ABCA8: variants seen among roughly 807,000 people sequenced by gnomAD.
ABCA8 encodes ABC-type organic anion transporter ABCA8.
ABCA8 carries 177 observed loss-of-function variants against 192.3 expected under a neutral mutation model. That is an observed-to-expected ratio of 0.92 (90% CI 0.81 to 1.04). The LOEUF is 1.04. ABCA8 is among the 50% of genes least tolerant of loss of function. ABCA8 has a pLI of 0.00. For missense variants in ABCA8, 1,915 were observed against 1,904.8 expected, an observed-to-expected ratio of 1.01 and a Z score of -0.10; for synonymous variants, 642 against 690.2, an observed-to-expected ratio of 0.93 and a Z score of 1.09.
chr17:68,894,972 T>C lies in ABCA8; in HGVS notation c.2806A>G (p.Asn936Asp), dbSNP rs1567837642. ...AATGCATCCACTTCTAAAGCTATGT[T>C]CTGGTGCTCCACAGACTGTATAAAG... ...DDFIQSVEHQNIALEVDAFGT... is the reference protein window; with the variant it reads ...DDFIQSVEHQDIALEVDAFGT... Residue 936 changes from asparagine (N) to aspartate (D), a missense_variant, in exon 22 of 40, where the codon AAC becomes GAC. Transcript: ENST00000586539. The C allele has an allele frequency of 1.2e-6, 2 of 1,613,682 alleles. No individual in the cohort carries two copies. Among genetic ancestry groups the C allele is most frequent in the Non-Finnish European group, 1.7e-6 (2 of 1,179,784 alleles).
At chr17:68,900,538 C>CAA (rs35696026) in intron 21 of ABCA8, among the ~76,000 whole-genome samples, 43 of 108,810 alleles carry the variant, frequency 4.0e-4, no homozygotes, top group Non-Finnish European at 5.3e-4. Flanking sequence ...CACAAAGTCT[C>CAA]AAAAAAAAAA....
chr17:68,894,154 T>A lies in ABCA8; in HGVS notation c.3036+19A>T, dbSNP rs767620149. On this transcript the variant is annotated intron_variant, in intron 23 of 39. Transcript: ENST00000586539. ...CCTGATAGAGGAGAGTCAGGAATTG[T>A]AAGATTATATATATTTACCTCCAAA... 2 of 1,611,778 alleles carry A rather than the reference T, an allele frequency of 1.2e-6. No homozygotes were observed. Among genetic ancestry groups the A allele is most frequent in the Non-Finnish European group, 1.7e-6 (2 of 1,178,572 alleles).
intron 5 of ABCA8, among the ~76,000 whole-genome samples, chr17:68,935,337 G>A (rs1249109819): frequency 6.7e-6 from 1 of 149,152 alleles, no homozygotes; most frequent in Non-Finnish European, 1.5e-5. Flanking sequence ...GGCTGATCTC[G>A]AACTCTTGAG....
chr17:68,926,638 T>C (rs1050635171), intron 10 of ABCA8, among the ~76,000 whole-genome samples: 1 of 152,214 alleles, frequency 6.6e-6, no homozygotes, highest in Non-Finnish European at 1.5e-5. Context: ...AATGAAAACA[T>C]ACCATATTCA....
rs189448749 is a variant in ABCA8, at chr17:68,881,382, G to A, written c.3947-171C>T. Among the ~76,000 whole-genome samples the A allele has an allele frequency of 1.1e-4, 16 of 152,338 alleles. No homozygotes were observed. The East Asian group carries it at 1.4e-3, about 13-fold the overall frequency. On this transcript the variant is annotated intron_variant, in intron 31 of 39. Transcript: ENST00000586539. ...CCCTTCTTATGTAGTTGGGGCAGAA[G>A]CTCTCAATGATGGGGTTACCTGTGC... is the stretch of plus-strand genomic sequence containing the variant.
At chr17:68,875,788 GAGAT>G (rs1396742673) in intron 35 of ABCA8, 55 bp from the exon 36 acceptor site, 1 of 1,557,330 alleles carries the variant, frequency 6.4e-7, no homozygotes, top group Non-Finnish European at 8.7e-7. Flanking sequence ...TAATCAGAAA[GAGAT>G]AGAGAAAAGA....
chr17:68,868,399 T>C (rs758767083), intron 38 of ABCA8, 43 bp from the exon 39 acceptor site: 1 of 1,528,036 alleles, frequency 6.5e-7, no homozygotes, highest in Non-Finnish European at 9.1e-7. Context: ...ATTTCATATC[T>C]AGAGGTCTCA....
intron 7 of ABCA8, among the ~76,000 whole-genome samples, chr17:68,930,953 A>C (rs1435013285): frequency 6.6e-6 from 1 of 152,136 alleles, no homozygotes; most frequent in Non-Finnish European, 1.5e-5. Flanking sequence ...AAGTTCTCAC[A>C]CAGAACCTTG....
chr17:68,947,615 C>T (rs138199384), intron 2 of ABCA8, among the ~76,000 whole-genome samples: 100 of 152,200 alleles, frequency 6.6e-4, no homozygotes, highest in African/African-American at 2.0e-3. Flanking sequence ...TTGCTGTTAA[C>T]GAAGGTTCAA....
chr17:68,927,776 G>T, intron 10 of ABCA8, 140 bp downstream of exon 10: 1 of 597,658 alleles, frequency 1.7e-6, no homozygotes. Context: ...AATTTGGCCA[G>T]TAGCGACGAC....
In ABCA8 at chr17:68,902,697, G is replaced by C; in HGVS notation, c.2764+16C>G. Reference sequence around the variant, plus strand: ...AACAGTAAATGTATTTGGAAATCAAGTATCCACCATTTTACCTGTTTTATT... The same window carrying C: ...AACAGTAAATGTATTTGGAAATCAACTATCCACCATTTTACCTGTTTTATT... On this transcript the variant is annotated intron_variant, in intron 21 of 39. Coordinates refer to ENST00000586539, the MANE Select transcript of ABCA8 (RefSeq NM_001288985.2). 1 of 1,602,716 alleles carries C rather than the reference G, an allele frequency of 6.2e-7. No individual in the cohort carries two copies. Among genetic ancestry groups the C allele is most frequent in the African/African-American group, 1.3e-5 (1 of 74,774 alleles).
chr17:68,893,721 C>CTTTTTTT lies in ABCA8; in HGVS notation c.3036+445_3036+451dup, dbSNP rs5821690. On this transcript the variant is annotated intron_variant, in intron 23 of 39. Transcript: ENST00000586539. ...TTTCATTTTTATTGCTTCATATTCT[C>CTTTTTTT]TTTTTTTTTTTTTCCTTTTCTTTTT... Among the ~76,000 whole-genome samples the CTTTTTTT allele has an allele frequency of 3.1e-5, 4 of 127,700 alleles. 1 individual carries two copies. Among genetic ancestry groups the CTTTTTTT allele is most frequent in the Non-Finnish European group, 6.5e-5 (4 of 61,678 alleles). The allele number at this position is 127,700 out of a possible 152,430, so 83.8% of individuals were successfully genotyped here.
intron 5 of ABCA8, among the ~76,000 whole-genome samples, chr17:68,933,511 A>C (rs1300739275): frequency 6.6e-6 from 1 of 152,188 alleles, no homozygotes; most frequent in Non-Finnish European, 1.5e-5. Flanking sequence ...TAACACTCTA[A>C]GCTTTCTCAT....
chr17:68,924,501 T>C (rs760128119), intron 11 of ABCA8, among the ~76,000 whole-genome samples, 200 bp downstream of exon 11: 7 of 152,252 alleles, frequency 4.6e-5, no homozygotes, highest in African/African-American at 7.2e-5. Flanking sequence ...TTTTATTTAG[T>C]GTAAATGTCG....
intron 17 of ABCA8, among the ~76,000 whole-genome samples, chr17:68,910,285 G>A (rs930137978): frequency 5.9e-5 from 9 of 152,226 alleles, no homozygotes; most frequent in African/African-American, 1.9e-4. Flanking sequence ...GGCAGCAGCT[G>A]TGTGGCACAG....
Position 68,881,197 on chromosome 17 carries a change from A to G in ABCA8, c.3961T>C (p.Leu1321=). The stretch of plus-strand genomic sequence containing the variant: ...TTACCAGCTCCATTGTGTCCTAATA[A>G]TCCTAAAACTTCACCTGAAAAAAAG... ...FCVRKGEVLG[L]LGHNGAGKST... is the part of the protein sequence containing the mutation. Residue 1321 remains leucine (L), a synonymous_variant, in exon 32 of 40, where the codon TTA becomes CTA. Coordinates refer to ENST00000586539, the MANE Select transcript of ABCA8 (RefSeq NM_001288985.2). The G allele has an allele frequency of 6.2e-7, 1 of 1,613,168 alleles. No homozygotes were observed. Among genetic ancestry groups the G allele is most frequent in the African/African-American group, 1.3e-5 (1 of 75,008 alleles).
At position 68,927,900 on chromosome 17, in the gene ABCA8, T is replaced by G; in HGVS notation, c.1273+16A>C. 1 of 1,551,260 alleles carries G rather than the reference T, an allele frequency of 6.4e-7. No individual in the cohort carries two copies. The highest frequency in any genetic ancestry group is 1.4e-5 in the African/African-American group (1 of 72,648). On this transcript the variant is annotated intron_variant, in intron 10 of 39. Transcript: ENST00000586539. ...CTATTTAAATGATATATGATTTTAA[T>G]CATATCATTACTCACTTGGCAAAAT...
intron 11 of ABCA8, 96 bp downstream of exon 11, chr17:68,924,605 C>A: frequency 7.3e-7 from 1 of 1,364,846 alleles, no homozygotes; most frequent in Non-Finnish European, 9.9e-7. Context: ...CAGGTGGGAA[C>A]TGTCTACAGA....
Position 68,911,001 on chromosome 17 carries a change from C to T in ABCA8, c.2139-3122G>A, listed in dbSNP as rs115620762. Reference sequence around the variant, plus strand: ...GTGCTCTGCTGGCTTCAGGTTTGACCTAGCACATTCCCAGCTGTGATGGCT... The same window carrying T: ...GTGCTCTGCTGGCTTCAGGTTTGACTTAGCACATTCCCAGCTGTGATGGCT... On this transcript the variant is annotated intron_variant, in intron 17 of 39. Coordinates refer to ENST00000586539, the MANE Select transcript of ABCA8 (RefSeq NM_001288985.2). This position sits in a 1 kb window ranked among gnomAD's most constrained non-coding sequence, Gnocchi z 5.7. Among the ~76,000 whole-genome samples, 201 of 152,254 alleles carry T rather than the reference C, an allele frequency of 1.3e-3. No individual in the cohort carries two copies. Among genetic ancestry groups the T allele is most frequent in the African/African-American group, 4.8e-3 (198 of 41,556 alleles).
Sources: allele counts gnomAD v4.1 joint callset (sites outside exome capture counted in the v4.1 genomes callset), GRCh38; gene constraint gnomAD v4.1.1; non-coding constraint Gnocchi (gnomAD v3.1); transcripts MANE v1.5; gene names NCBI Gene and HGNC (gene_info 2026-07-23, HGNC 2026-07-21).